The following N4BP2 variants were observed in gnomAD, a reference collection of about 807,000 sequenced individuals.
The protein encoded by N4BP2 is NEDD4-binding protein 2.
Under a neutral mutation model 152.8 loss-of-function variants are expected in N4BP2, and 91 were observed. The observed-to-expected ratio is 0.60, with a 90% CI of 0.50 to 0.71. The LOEUF (loss-of-function observed/expected upper bound fraction) is 0.71, where lower values mean the gene tolerates loss of function less well. N4BP2 is among the 30% of genes least tolerant of loss of function. The pLI, the probability that N4BP2 is intolerant of heterozygous loss-of-function variation, is 0.00. For synonymous variants in N4BP2, 646 were observed against 705.3 expected (o/e 0.92, Z 1.33); for missense variants, 1,923 against 2,059.1 (o/e 0.93, Z 1.28).
chr4:40,132,560 T>G (rs1718995700), intron 13 of N4BP2, among the ~76,000 whole-genome samples: 1 of 152,152 alleles, frequency 6.6e-6, no homozygotes, highest in African/African-American at 2.4e-5. Flanking sequence ...TTAAGGACTT[T>G]AATTCCATTG....
At chr4:40,161,068 T>C (rs1188667693), downstream of N4BP2, among the ~76,000 whole-genome samples, 1 of 152,198 alleles carries the variant, frequency 6.6e-6, no homozygotes, top group Non-Finnish European at 1.5e-5. Context: ...CAATCAATCC[T>C]GACAAGTTAA....
chr4:40,115,302 G>C (rs1382989974), intron 7 of N4BP2, among the ~76,000 whole-genome samples: 1 of 152,140 alleles, frequency 6.6e-6, no homozygotes, highest in African/African-American at 2.4e-5. Flanking sequence ...TTTGAGACTA[G>C]TCTGGGCAAC....
intron 1 of N4BP2, among the ~76,000 whole-genome samples, chr4:40,059,649 C>CGTT (rs1733499489): frequency 6.6e-6 from 1 of 151,020 alleles, no homozygotes; most frequent in African/African-American, 2.5e-5. Context: ...CCCGCCTGGC[C>CGTT]TTAGATTGAA....
At chr4:40,148,256 C>G (rs1720792189) in intron 16 of N4BP2, among the ~76,000 whole-genome samples, 1 of 152,248 alleles carries the variant, frequency 6.6e-6, no homozygotes, top group South Asian at 2.1e-4. Flanking sequence ...GGAGAGCAGC[C>G]TGGCCAATAC....
chr4:40,105,548 CT>C (rs34782994), intron 4 of N4BP2, among the ~76,000 whole-genome samples: 57,687 of 139,984 alleles, frequency 0.41, 11,335 homozygotes, highest in South Asian at 0.56. Flanking sequence ...TGGTCTCAAA[CT>C]TTTTTTTTTT....
intron 2 of N4BP2, among the ~76,000 whole-genome samples, chr4:40,092,645 CTTTT>C (rs34819122): frequency 5.0e-5 from 6 of 120,444 alleles, no homozygotes; most frequent in Non-Finnish European, 3.6e-5. Context: ...TTATTATTTC[CTTTT>C]TTTTTTTTTT....
intron 2 of N4BP2, among the ~76,000 whole-genome samples, chr4:40,093,169 C>G (rs913483618): frequency 1.3e-5 from 2 of 151,564 alleles, no homozygotes; most frequent in South Asian, 2.1e-4. Flanking sequence ...GTCTTGAACT[C>G]CTGACCTCAG....
chr4:40,136,601 AGTC>A (rs1719428204), intron 13 of N4BP2, among the ~76,000 whole-genome samples: 1 of 152,040 alleles, frequency 6.6e-6, no homozygotes, highest in African/African-American at 2.4e-5. Context: ...TGGCCAGGCT[AGTC>A]TCTTAACTCC....
intron 10 of N4BP2, 128 bp from the exon 11 acceptor site, chr4:40,124,032 G>T: frequency 1.8e-6 from 1 of 558,688 alleles, no homozygotes; most frequent in Non-Finnish European, 3.2e-6. Context: ...GTTTTACTTA[G>T]ATTGAGTAAG....
the N4BP2 span, among the ~76,000 whole-genome samples, chr4:40,174,148 G>A: frequency 3.3e-5 from 5 of 151,940 alleles, no homozygotes; most frequent in South Asian, 2.1e-4. Flanking sequence ...AGGCTGAGGC[G>A]GGAGGATTGC....
intron 13 of N4BP2, among the ~76,000 whole-genome samples, chr4:40,133,033 G>A (rs2110016397): frequency 6.6e-6 from 1 of 152,086 alleles, no homozygotes; most frequent in Non-Finnish European, 1.5e-5. Context: ...TCCCTCTGCT[G>A]TGGAAAGTTT....
rs1237514801 is a variant in N4BP2 at position 40,157,218 on chromosome 4, A to G, written c.*2981A>G. ...GAGAAATGGAAGTGTTTTTTTTTTT[A>G]CGTTTATTGGCTCTTCATATTTCTC... On this transcript the variant is annotated 3_prime_UTR_variant, in exon 18 of 18. Coordinates refer to ENST00000261435, the MANE Select transcript of N4BP2 (RefSeq NM_018177.6). The G allele has an allele frequency of 6.7e-6, 1 of 148,310 alleles. No individual in the cohort carries two copies. The highest frequency in any genetic ancestry group is 2.1e-4 in the South Asian group (1 of 4,734). The allele number at this position is 148,310 out of a possible 1,614,324, so 9.2% of individuals were successfully genotyped here. A position where few individuals can be genotyped will look rare whatever the true frequency, so the allele number is the denominator to read the frequency against.
intron 12 of N4BP2, among the ~76,000 whole-genome samples, chr4:40,129,041 C>T (rs1428893346): frequency 6.6e-6 from 1 of 151,734 alleles, no homozygotes; most frequent in African/African-American, 2.4e-5. Flanking sequence ...GTGATTTTTG[C>T]TTGTTTTTCT....
At chr4:40,129,965 G>A (rs952104185) in intron 12 of N4BP2, among the ~76,000 whole-genome samples, 2 of 152,116 alleles carry the variant, frequency 1.3e-5, no homozygotes, top group Admixed American at 6.5e-5. Context: ...ACTTTGACCC[G>A]ATAGATTGGT....
intron 14 of N4BP2, chr4:40,142,257 G>GT (rs1560638583): frequency 2.6e-5 from 8 of 305,542 alleles, no homozygotes; most frequent in South Asian, 1.1e-4. Context: ...CCAATGAACA[G>GT]TTTTTTCAAC....
intron 1 of N4BP2, among the ~76,000 whole-genome samples, chr4:40,063,739 G>A (rs773734836): frequency 6.6e-5 from 10 of 151,982 alleles, no homozygotes; most frequent in Non-Finnish European, 1.2e-4. Context: ...CACCTCCCGT[G>A]TTCAAGCGAT....
chr4:40,135,220 T>C (rs975965837), intron 13 of N4BP2, among the ~76,000 whole-genome samples: 9 of 151,212 alleles, frequency 6.0e-5, no homozygotes, highest in African/African-American at 2.2e-4. Flanking sequence ...GTTCTTGCGA[T>C]AGTTTACTGA....
the N4BP2 span, among the ~76,000 whole-genome samples, chr4:40,165,863 CTTATA>C: frequency 6.6e-6 from 1 of 152,180 alleles, no homozygotes; most frequent in Non-Finnish European, 1.5e-5. Context: ...GTCTTCCATT[CTTATA>C]TTCCGTAGAT....
At chr4:40,116,414 C>A (rs1293182794) in intron 7 of N4BP2, among the ~76,000 whole-genome samples, 2 of 151,702 alleles carry the variant, frequency 1.3e-5, no homozygotes, top group African/African-American at 4.8e-5. Context: ...GGATTTTTTT[C>A]CTATCATGCC....
Sources: allele counts gnomAD v4.1 joint callset (sites outside exome capture counted in the v4.1 genomes callset), GRCh38; gene constraint gnomAD v4.1.1; transcripts MANE v1.5; gene names NCBI Gene and HGNC (gene_info 2026-07-23, HGNC 2026-07-21).